The following ZNF875 variants were observed in gnomAD, a reference collection of about 807,000 sequenced individuals.
ZNF875 encodes the protein zinc finger protein 875.
ZNF875 carries 14 observed loss-of-function variants against 11.2 expected under a neutral mutation model. That is an observed-to-expected ratio of 1.26 (90% CI 0.83 to 1.96). The LOEUF (loss-of-function observed/expected upper bound fraction) is 1.96, where lower values mean the gene tolerates loss of function less well. Ranked by LOEUF, ZNF875 falls within the 30% of genes most tolerant of loss-of-function variation. The pLI, the probability that ZNF875 is intolerant of heterozygous loss-of-function variation, is 0.00. For synonymous variants in ZNF875, 301 were observed against 281.1 expected (o/e 1.07, Z -0.71); for missense variants, 752 against 760.4 (o/e 0.99, Z 0.13).
At chr19:37,315,157 TCTTTCA>T (rs1454144138), upstream of ZNF875, 1 of 152,218 alleles carries the variant, frequency 6.6e-6, no homozygotes, top group Non-Finnish European at 1.5e-5. Flanking sequence ...GTGACTGGCT[TCTTTCA>T]CTTAGCATCA....
intron 4 of ZNF875, chr19:37,324,825 A>T (rs1480730176): frequency 6.2e-6 from 1 of 160,200 alleles, no homozygotes; most frequent in African/African-American, 2.5e-5. Flanking sequence ...CCCAGGCTGG[A>T]GTGTAGTATG....
intron 1 of ZNF875, among the ~76,000 whole-genome samples, chr19:37,320,949 T>C (rs2031295148): frequency 6.6e-6 from 1 of 152,236 alleles, no homozygotes; most frequent in South Asian, 2.1e-4. Flanking sequence ...AAACGTACTC[T>C]GTTGGCTCAA....
intron 2 of ZNF875, among the ~76,000 whole-genome samples, chr19:37,345,468 C>T (rs1357695208): frequency 6.6e-6 from 1 of 152,108 alleles, no homozygotes; most frequent in Non-Finnish European, 1.5e-5. Flanking sequence ...GTTTTAGAGA[C>T]ACAATGTCAT....
At chr19:37,343,485 A>C (rs2036176289) in intron 2 of ZNF875, among the ~76,000 whole-genome samples, 1 of 151,714 alleles carries the variant, frequency 6.6e-6, no homozygotes, top group Non-Finnish European at 1.5e-5. Flanking sequence ...TGGCATCCTC[A>C]TGTGGCTGTA....
intron 2 of ZNF875, among the ~76,000 whole-genome samples, chr19:37,323,107 G>C (rs553408078): frequency 6.6e-6 from 1 of 151,328 alleles, no homozygotes; most frequent in East Asian, 2.0e-4. Flanking sequence ...GATTTTCACT[G>C]TGTTCCTAAA....
intron 1 of ZNF875, among the ~76,000 whole-genome samples, chr19:37,319,908 A>G (rs1324831559): frequency 1.3e-5 from 2 of 151,970 alleles, no homozygotes; most frequent in African/African-American, 2.4e-5. Flanking sequence ...TTTTTTTGAG[A>G]CGGAGTCTCG....
chr19:37,331,954 C>A (rs1169984023), upstream of ZNF875, among the ~76,000 whole-genome samples: 12 of 129,120 alleles, frequency 9.3e-5, no homozygotes, highest in African/African-American at 3.3e-4. Flanking sequence ...CGATTGTATG[C>A]TCCATCTACT....
chr19:37,332,974 C>A (rs7257495), upstream of ZNF875, among the ~76,000 whole-genome samples: 2 of 152,064 alleles, frequency 1.3e-5, no homozygotes, highest in South Asian at 4.1e-4. Flanking sequence ...TATCACCTTT[C>A]ATTTAAATGA....
upstream of ZNF875, among the ~76,000 whole-genome samples, chr19:37,330,897 A>G (rs995771834): frequency 3.3e-5 from 5 of 152,112 alleles, no homozygotes; most frequent in African/African-American, 1.2e-4. Flanking sequence ...ATAAATGTAT[A>G]TAGAGCTTGG....
At chr19:37,316,716 G>C (rs563306192), upstream of ZNF875, among the ~76,000 whole-genome samples, 14 of 150,892 alleles carry the variant, frequency 9.3e-5, no homozygotes, top group African/African-American at 3.2e-4. Flanking sequence ...AGGCTGGAGC[G>C]CAGGGGCGCG....
At chr19:37,349,542 C>G (rs906720545) in intron 4 of ZNF875, among the ~76,000 whole-genome samples, 1 of 152,114 alleles carries the variant, frequency 6.6e-6, no homozygotes, top group African/African-American at 2.4e-5. Context: ...TCTGTGAAGC[C>G]TTTTCAATTC....
At chr19:37,331,932 CG>C (rs1423724123), upstream of ZNF875, among the ~76,000 whole-genome samples, 1 of 131,296 alleles carries the variant, frequency 7.6e-6, no homozygotes, top group Non-Finnish European at 1.7e-5. Flanking sequence ...TGGAATGTCT[CG>C]GTATAAAACC....
intron 4 of ZNF875, among the ~76,000 whole-genome samples, chr19:37,356,839 A>G (rs900976787): frequency 3.3e-5 from 5 of 152,120 alleles, no homozygotes; most frequent in Admixed American, 2.6e-4. Context: ...ATTAAATCAT[A>G]TTTGTCCATT....
intron 4 of ZNF875, among the ~76,000 whole-genome samples, chr19:37,360,905 A>C (rs1371926057): frequency 6.6e-6 from 1 of 151,910 alleles, no homozygotes; most frequent in Non-Finnish European, 1.5e-5. Flanking sequence ...CATTTTTAGA[A>C]TAGTCATTGC....
At chr19:37,313,866 G>A (rs1056129880), upstream of ZNF875, among the ~76,000 whole-genome samples, 23 of 151,724 alleles carry the variant, frequency 1.5e-4, no homozygotes, top group African/African-American at 5.6e-4. Flanking sequence ...ATCTTTAAAG[G>A]CCTTACTCCA....
intron 4 of ZNF875, among the ~76,000 whole-genome samples, chr19:37,358,896 A>AAT (rs200910603): frequency 6.8e-6 from 1 of 146,014 alleles, no homozygotes; most frequent in South Asian, 2.1e-4. Context: ...TATACAGTTC[A>AAT]ATATATATAT....
At chr19:37,338,071 A>T (rs930657966) in intron 2 of ZNF875, among the ~76,000 whole-genome samples, 1 of 152,218 alleles carries the variant, frequency 6.6e-6, no homozygotes, top group Non-Finnish European at 1.5e-5. Context: ...AGGAATACAT[A>T]AGAAATCCAA....
At chr19:37,339,544 GTTT>G (rs572775539) in intron 2 of ZNF875, among the ~76,000 whole-genome samples, 1 of 115,750 alleles carries the variant, frequency 8.6e-6, no homozygotes. Flanking sequence ...AACCCTGCCA[GTTT>G]TTTTTTTTTT....
At chr19:37,341,052 T>C (rs1227449643) in intron 2 of ZNF875, among the ~76,000 whole-genome samples, 1 of 152,210 alleles carries the variant, frequency 6.6e-6, no homozygotes, top group Non-Finnish European at 1.5e-5. Context: ...TCCCATTTAA[T>C]GAATTCATGC....
Sources: gnomAD v4.1 joint callset for allele counts (sites outside exome capture counted in the v4.1 genomes callset) on GRCh38, gnomAD v4.1.1 for gene constraint, MANE v1.5 for transcripts, NCBI Gene and HGNC (gene_info 2026-07-23, HGNC 2026-07-21) for gene names.